GCSAML: variants seen among roughly 807,000 people sequenced by gnomAD.
GCSAML encodes the protein germinal center-associated signaling and motility-like protein.
In GCSAML, 9 loss-of-function variants were observed where a neutral mutation model predicts 13.0. The ratio of observed to expected loss-of-function variants is 0.69; its 90% confidence interval spans 0.42 to 1.21. The LOEUF is 1.21. Among genes scored for constraint, GCSAML ranks in the 50% most tolerant of loss-of-function variants. The pLI is 0.00. For synonymous variants in GCSAML, 37 were observed against 52.9 expected, an observed-to-expected ratio of 0.70 and a Z score of 1.31; for missense variants, 143 against 153.4, an observed-to-expected ratio of 0.93 and a Z score of 0.36.
chr1:247,566,034 A>T, intron 4 of GCSAML, 75 bp downstream of exon 4: 1 of 1,008,688 alleles, frequency 9.9e-7, no homozygotes, highest in Non-Finnish European at 1.4e-6. Flanking sequence ...ATGCCAAAAT[A>T]CAGATGATTT....
At chr1:247,538,699 G>A in intron 2 of GCSAML, 2 of 455,618 alleles carry the variant, frequency 4.4e-6, no homozygotes, top group Non-Finnish European at 8.8e-6. Context: ...TGAGGACACA[G>A]CAAGCAGGCA....
chr1:247,553,304 AT>A (rs956392872), intron 1 of GCSAML, among the ~76,000 whole-genome samples: 2 of 151,050 alleles, frequency 1.3e-5, no homozygotes, highest in African/African-American at 2.4e-5. Context: ...TGAATTTCTC[AT>A]TTTTTTTCAT....
chr1:247,558,568 T>C (rs1049659528), intron 2 of GCSAML, among the ~76,000 whole-genome samples: 2 of 152,182 alleles, frequency 1.3e-5, no homozygotes, highest in Non-Finnish European at 2.9e-5. Context: ...TGATTTCTGT[T>C]TTGCATTTTT....
upstream of GCSAML, among the ~76,000 whole-genome samples, chr1:247,546,187 G>A (rs1667561833): frequency 1.3e-5 from 2 of 151,906 alleles, no homozygotes; most frequent in Admixed American, 6.6e-5. Flanking sequence ...ATGATGGGAC[G>A]GTTTCGCTCT....
At chr1:247,518,804 T>C (rs1666313371) in intron 1 of GCSAML, among the ~76,000 whole-genome samples, 1 of 151,966 alleles carries the variant, frequency 6.6e-6, no homozygotes, top group African/African-American at 2.4e-5. Context: ...GCCTGGGCAA[T>C]ACAGCGAGAA....
At chr1:247,545,776 A>C (rs1012299048), upstream of GCSAML, among the ~76,000 whole-genome samples, 1 of 152,076 alleles carries the variant, frequency 6.6e-6, no homozygotes, top group Admixed American at 6.5e-5. Flanking sequence ...GAGTTCCTTA[A>C]ATTTTTTGGT....
intron 1 of GCSAML, among the ~76,000 whole-genome samples, chr1:247,516,905 T>C (rs1024860685): frequency 2.0e-5 from 3 of 152,218 alleles, no homozygotes; most frequent in African/African-American, 7.2e-5. Context: ...CCAGCGCAGA[T>C]ACTTGATGGG....
At chr1:247,511,787 A>T (rs967263010) in intron 1 of GCSAML, among the ~76,000 whole-genome samples, 1 of 152,202 alleles carries the variant, frequency 6.6e-6, no homozygotes, top group Non-Finnish European at 1.5e-5. Flanking sequence ...GCTGGATATG[A>T]AATTCTGGGT....
At chr1:247,554,787 G>A (rs55864265) in intron 1 of GCSAML, among the ~76,000 whole-genome samples, 4 of 152,050 alleles carry the variant, frequency 2.6e-5, no homozygotes, top group African/African-American at 9.6e-5. Flanking sequence ...TTGATTTTGG[G>A]GGATGTTTAC....
chr1:247,512,807 C>A (rs139133264), intron 1 of GCSAML, among the ~76,000 whole-genome samples: 1 of 152,058 alleles, frequency 6.6e-6, no homozygotes, highest in African/African-American at 2.4e-5. Context: ...GGGGTCCGCT[C>A]GAGATCCTGT....
intron 2 of GCSAML, chr1:247,531,909 G>A: frequency 6.2e-7 from 1 of 1,614,170 alleles, no homozygotes; most frequent in Non-Finnish European, 8.5e-7. Flanking sequence ...AGCTGGCCAG[G>A]TACATCTCCA....
intron 1 of GCSAML, among the ~76,000 whole-genome samples, chr1:247,524,485 A>C (rs1305771980): frequency 1.3e-5 from 2 of 152,088 alleles, no homozygotes; most frequent in East Asian, 3.9e-4. Flanking sequence ...GTATCTCTTA[A>C]CCGACATTCT....
At chr1:247,520,589 T>A (rs1469200776) in intron 1 of GCSAML, among the ~76,000 whole-genome samples, 1 of 152,146 alleles carries the variant, frequency 6.6e-6, no homozygotes, top group Admixed American at 6.5e-5. Flanking sequence ...CCTAATACAG[T>A]TGTACTACAA....
At position 247,540,351 on chromosome 1, in the gene GCSAML, T is replaced by G. The variant is rs552474284; in HGVS notation, c.-147-8694T>G. Among the ~76,000 whole-genome samples the G allele has an allele frequency of 2.1e-4, 32 of 152,302 alleles. No homozygotes were observed. The South Asian group carries it at 6.6e-3, about 32-fold the overall frequency. On this transcript the variant is annotated intron_variant, in intron 2 of 5. Transcript: ENST00000366489. The stretch of plus-strand genomic sequence containing the variant: ...CAGCCAGTTTCCATCTCTTAACAAG[T>G]GCTTGGCTGAGGCCTCACATCTGTC...
At chr1:247,565,670 A>C in intron 3 of GCSAML, 1 of 392,618 alleles carries the variant, frequency 2.5e-6, no homozygotes, top group Non-Finnish European at 4.5e-6. Context: ...CTTATTCAGT[A>C]CATTAATGTG....
At position 247,575,180 on chromosome 1, in the gene GCSAML, C is replaced by T. The variant is rs924968991; in HGVS notation, c.*798C>T. Reference sequence around the variant, plus strand: ...ATGATTTATGTCTTTGCTTGTAACTCCTGTCTCCCTAAAATGTATAAAAGT... The same window carrying T: ...ATGATTTATGTCTTTGCTTGTAACTTCTGTCTCCCTAAAATGTATAAAAGT... On this transcript the variant is annotated 3_prime_UTR_variant, in exon 5 of 5. Transcript: ENST00000366488. The T allele has an allele frequency of 1.3e-5, 2 of 152,082 alleles. No homozygotes were observed. Among genetic ancestry groups the T allele is most frequent in the African/African-American group, 2.4e-5 (1 of 41,426 alleles). The allele number at this position is 152,082 out of a possible 1,614,324, so 9.4% of individuals were successfully genotyped here.
At chr1:247,523,503 T>C (rs1027300230) in intron 1 of GCSAML, among the ~76,000 whole-genome samples, 17 of 152,220 alleles carry the variant, frequency 1.1e-4, no homozygotes, top group Non-Finnish European at 2.2e-4. Context: ...TCAGGACCCA[T>C]AGCAAGTACT....
Position 247,527,152 on chromosome 1 carries a change from A to T in GCSAML, c.-148+98A>T, listed in dbSNP as rs1051983834. ...GGAGCAGTTGGGTGAGCACATGACC[A>T]ATCAGCCTGAGCATTTAAGGCAGTT... On this transcript the variant is annotated intron_variant, in intron 2 of 5. Transcript: ENST00000366489. The surrounding 1 kb of genome is among the most constrained non-coding windows in gnomAD (Gnocchi z 4.6). The T allele has an allele frequency of 3.0e-5, 13 of 439,180 alleles. No individual in the cohort carries two copies. The highest frequency in any genetic ancestry group is 8.2e-5 in the South Asian group (5 of 60,992). The allele number at this position is 439,180 out of a possible 1,614,324, so 27.2% of individuals were successfully genotyped here. A position where few individuals can be genotyped will look rare whatever the true frequency, so the allele number is the denominator to read the frequency against.
intron 4 of GCSAML, 51 bp downstream of exon 4, chr1:247,566,010 T>C (rs766768093): frequency 2.1e-5 from 28 of 1,337,340 alleles, no homozygotes; most frequent in Admixed American, 5.1e-5. Flanking sequence ...ACTTTTATTA[T>C]GTTTGTCTGA....
Sources: gnomAD v4.1 joint callset for allele counts (sites outside exome capture counted in the v4.1 genomes callset) on GRCh38, gnomAD v4.1.1 for gene constraint, Gnocchi (gnomAD v3.1) non-coding constraint, MANE v1.5 for transcripts, NCBI Gene and HGNC (gene_info 2026-07-23, HGNC 2026-07-21) for gene names.